LY6K: variants seen among roughly 807,000 people sequenced by gnomAD.
LY6K encodes lymphocyte antigen 6 family member K.
A neutral mutation model predicts 10.4 loss-of-function variants in LY6K; 9 were observed. The ratio of observed to expected loss-of-function variants is 0.87; its 90% CI spans 0.52 to 1.52. The LOEUF (loss-of-function observed/expected upper bound fraction) is 1.52. Ranked by LOEUF, LY6K falls within the 40% of genes most tolerant of loss-of-function variation. The pLI, the probability that LY6K is intolerant of heterozygous loss-of-function variation, is 0.00. For synonymous variants in LY6K, 98 were observed against 83.7 expected (o/e 1.17, Z -0.94); for missense variants, 217 against 211.7 (o/e 1.02, Z -0.15).
Position 142,704,255 on chromosome 8 carries a change from A to G in LY6K, c.*884A>G, listed in dbSNP as rs1587566039. On this transcript the variant is annotated 3_prime_UTR_variant, in exon 3 of 3. Coordinates refer to ENST00000292430, the MANE Select transcript of LY6K (RefSeq NM_017527.4). ...TCGAGACGCTTCTGCAAGTAATGGTACCAGCCATTCAGTTCATCCCTAAAG... is the reference window on the plus strand; with the variant it reads ...TCGAGACGCTTCTGCAAGTAATGGTGCCAGCCATTCAGTTCATCCCTAAAG... 1 of 152,210 alleles carries G rather than the reference A, an allele frequency of 6.6e-6. No homozygotes were observed. Among genetic ancestry groups the G allele is most frequent in the East Asian group, 1.9e-4 (1 of 5,196 alleles). 9.4% of individuals were successfully genotyped at this position (152,210 alleles called of 1,614,324 possible).
intron 2 of LY6K, 118 bp from the exon 3 acceptor site, chr8:142,702,973 T>C (rs1469763681): frequency 1.3e-6 from 2 of 1,557,296 alleles, no homozygotes; most frequent in Non-Finnish European, 1.7e-6. Flanking sequence ...GTGCCCCAGT[T>C]GACTGTGCAC....
At chr8:142,700,749 CG>C (rs1554639992) in intron 1 of LY6K, 119 bp downstream of exon 1, 1 of 1,100,952 alleles carries the variant, frequency 9.1e-7, no homozygotes, top group African/African-American at 1.7e-5. Flanking sequence ...TCAGGCGGCC[CG>C]TGGCGCCTGG....
intron 2 of LY6K, chr8:142,702,358 T>TC: frequency 1.4e-6 from 1 of 739,462 alleles, no homozygotes; most frequent in Non-Finnish European, 2.3e-6. Context: ...TGTACAGCCT[T>TC]CAAGTGTGTT....
In LY6K at chr8:142,700,539, C is replaced by T; in HGVS notation, c.12C>T (p.Leu4=). 3 of 1,582,164 alleles carry T rather than the reference C, an allele frequency of 1.9e-6. No individual in the cohort carries two copies. The highest frequency in any genetic ancestry group is 2.6e-6 in the Non-Finnish European group (3 of 1,166,502). MAL[L]ALLLVVALPR... The stretch of plus-strand genomic sequence containing the variant: ...CACCGCTGGGGACGATGGCGCTGCT[C>T]GCCTTGCTGCTGGTCGTGGCCCTAC... The change falls in exon 1 of 3, where the codon CTC becomes CTT. Residue 4 remains leucine (L), a synonymous_variant. Transcript: ENST00000292430.
At chr8:142,702,412 T>G (rs1171122839) in intron 2 of LY6K, 3 of 1,355,778 alleles carry the variant, frequency 2.2e-6, no homozygotes, top group Non-Finnish European at 3.0e-6. Flanking sequence ...AGACCACTGC[T>G]CTGTCATCTG....
intron 2 of LY6K, chr8:142,702,144 CAG>C (rs1815065235): frequency 6.4e-6 from 2 of 314,900 alleles, no homozygotes; most frequent in South Asian, 5.2e-5. Context: ...GCAAAGTCCT[CAG>C]AGGCCAGAGA....
Position 142,701,689 on chromosome 8 carries a change from C to G in LY6K, c.193C>G (p.Pro65Ala). 6.2e-7 allele frequency: 1 copy of G among 1,613,402 alleles called. No homozygotes were observed. The highest frequency in any genetic ancestry group is 8.5e-7 in the Non-Finnish European group (1 of 1,179,444). Reference sequence around the variant, plus strand: ...CCCAAGGAGGTGCAAATGGACAGAGCCATACTGCGTTATAGCGGCCGTGAG... The same window carrying G: ...CCCAAGGAGGTGCAAATGGACAGAGGCATACTGCGTTATAGCGGCCGTGAG... The part of the protein sequence containing the change: ...QNPRRCKWTE[P>A]YCVIAAVKIF... Residue 65 changes from proline (P) to alanine (A), a missense_variant, in exon 2 of 3, where the codon CCA becomes GCA. By Grantham distance (27) the Pro-to-Ala change is conservative. Coordinates refer to ENST00000292430, the MANE Select transcript of LY6K (RefSeq NM_017527.4).
In LY6K at chr8:142,702,417, C is replaced by T. The variant is rs1371487910; in HGVS notation, c.218-674C>T. On this transcript the variant is annotated intron_variant, in intron 2 of 2. Coordinates refer to ENST00000292430, the MANE Select transcript of LY6K (RefSeq NM_017527.4). The stretch of plus-strand genomic sequence containing the variant: ...AAAATTGTGGAGACCACTGCTCTGT[C>T]ATCTGTGATTCCCCTGAAAACCTCT... 3.6e-6 allele frequency: 5 copies of T among 1,392,434 alleles called. No homozygotes were observed. The African/African-American group carries it at 7.1e-5, about 20-fold the overall frequency. The allele number at this position is 1,392,434 out of a possible 1,614,324, so 86.3% of individuals were successfully genotyped here.
intron 1 of LY6K, 45 bp from the exon 2 acceptor site, chr8:142,701,555 C>A (rs782113741): frequency 7.6e-7 from 1 of 1,315,630 alleles, no homozygotes; most frequent in Non-Finnish European, 1.1e-6. Context: ...CAGATAGGCA[C>A]GGAGAACTGG....
At chr8:142,702,322 C>G (rs1815072630) in intron 2 of LY6K, 3 of 605,206 alleles carry the variant, frequency 5.0e-6, no homozygotes, top group Non-Finnish European at 8.8e-6. Context: ...CTATGTCACT[C>G]TTACAAGAGA....
At chr8:142,701,006 G>C (rs1448555860) in intron 1 of LY6K, among the ~76,000 whole-genome samples, 3 of 151,684 alleles carry the variant, frequency 2.0e-5, no homozygotes, top group Admixed American at 6.5e-5. Context: ...GAACTCCTTT[G>C]AGGGAGTCGG....
At chr8:142,700,663 CGA>C in intron 1 of LY6K, 33 bp downstream of exon 1, 2 of 1,458,198 alleles carry the variant, frequency 1.4e-6, no homozygotes, top group Non-Finnish European at 1.8e-6. Flanking sequence ...AGCCACGGGC[CGA>C]GAGGACAGGG....
In LY6K at chr8:142,701,917, C is replaced by T. The variant is rs1815053369; in HGVS notation, c.217+204C>T. 5.0e-5 allele frequency: 25 copies of T among 500,580 alleles called. No individual in the cohort carries two copies. The South Asian group carries it at 5.6e-4, about 11-fold the overall frequency. 31.0% of individuals were successfully genotyped at this position (500,580 alleles called of 1,614,324 possible). A position where few individuals can be genotyped will look rare whatever the true frequency, so the allele number is the denominator to read the frequency against. ...CCTCGCCTTCCGGGTTCAAGCGATT[C>T]TCCTGCCTCAGCCTCCAGAGTAGCT... On this transcript the variant is annotated intron_variant, in intron 2 of 2. Coordinates refer to ENST00000292430, the MANE Select transcript of LY6K (RefSeq NM_017527.4).
chr8:142,702,850 C>T, intron 2 of LY6K: 1 of 1,534,390 alleles, frequency 6.5e-7, no homozygotes, highest in Admixed American at 2.0e-5. Flanking sequence ...ACAGCAACCC[C>T]TAGACCCGCA....
chr8:142,703,164 AGAG>A lies in LY6K; in HGVS notation c.295_297del (p.Glu99del), dbSNP rs1815111390. On this transcript the variant is annotated inframe_deletion, in exon 3 of 3. Coordinates refer to ENST00000292430, the MANE Select transcript of LY6K (RefSeq NM_017527.4). ...GTGCAGCGATGGAGAGACCCAAGCC[AGAG>A]GAGAAGCGGTTTCTCCTGGAAGAGC... 1.9e-6 allele frequency: 3 copies of A among 1,614,234 alleles called. No individual in the cohort carries two copies. Among genetic ancestry groups the A allele is most frequent in the Admixed American group, 1.7e-5 (1 of 60,030 alleles).
At position 142,702,461 on chromosome 8, in the gene LY6K, C is replaced by T. The variant is rs587688821; in HGVS notation, c.218-630C>T. 5 of 1,533,606 alleles carry T rather than the reference C, an allele frequency of 3.3e-6. No homozygotes were observed. The East Asian group carries it at 9.8e-5, about 30-fold the overall frequency. 95.0% of individuals were successfully genotyped at this position (1,533,606 alleles called of 1,614,324 possible). A position where few individuals can be genotyped will look rare whatever the true frequency, so the allele number is the denominator to read the frequency against. Reference sequence around the variant, plus strand: ...AACCTCTGGGTACATGAAGCCCTCCCCAAGGGGAATCTGGACACCCAGCAC... The same window carrying T: ...AACCTCTGGGTACATGAAGCCCTCCTCAAGGGGAATCTGGACACCCAGCAC... On this transcript the variant is annotated intron_variant, in intron 2 of 2. Coordinates refer to ENST00000292430, the MANE Select transcript of LY6K (RefSeq NM_017527.4).
intron 2 of LY6K, 125 bp downstream of exon 2, chr8:142,701,838 T>A: frequency 1.5e-6 from 1 of 655,796 alleles, no homozygotes; most frequent in Non-Finnish European, 2.7e-6. Flanking sequence ...TTTTTTTTAT[T>A]TTCTGAGACG....
At position 142,703,485 on chromosome 8, in the gene LY6K, G is replaced by GGAA; in HGVS notation, c.*115_*116insAAG. On this transcript the variant is annotated 3_prime_UTR_variant, in exon 3 of 3. Coordinates refer to ENST00000292430, the MANE Select transcript of LY6K (RefSeq NM_017527.4). Reference sequence around the variant, plus strand: ...ATTACCTCTTGGTTTGACTTCCCAGGGTCTTGGGATGGGAGAGTGGGGATC... The same window carrying GGAA: ...ATTACCTCTTGGTTTGACTTCCCAGGGAAGTCTTGGGATGGGAGAGTGGGGATC... 1.5e-6 allele frequency: 2 copies of GGAA among 1,328,686 alleles called. No homozygotes were observed. The highest frequency in any genetic ancestry group is 2.0e-6 in the Non-Finnish European group (2 of 990,908). The allele number at this position is 1,328,686 out of a possible 1,614,324, so 82.3% of individuals were successfully genotyped here. A position where few individuals can be genotyped will look rare whatever the true frequency, so the allele number is the denominator to read the frequency against.
chr8:142,702,873 AT>A, intron 2 of LY6K: 5 of 1,546,098 alleles, frequency 3.2e-6, no homozygotes, highest in Non-Finnish European at 4.4e-6. Context: ...CCCAGTGCAT[AT>A]GGACAGGCCA....
Sources: allele counts gnomAD v4.1 joint callset (sites outside exome capture counted in the v4.1 genomes callset), GRCh38; gene constraint gnomAD v4.1.1; transcripts MANE v1.5; gene names NCBI Gene and HGNC (gene_info 2026-07-23, HGNC 2026-07-21).